The following DMD variants were observed in gnomAD, a reference collection of about 807,000 sequenced individuals.
The protein encoded by DMD is dystrophin, also known as mutant dystrophin.
DMD carries 63 observed loss-of-function variants against 330.1 expected under a neutral mutation model. The ratio of observed to expected loss-of-function variants is 0.19; its 90% CI spans 0.16 to 0.24. The LOEUF is 0.24. Among genes scored for constraint, DMD ranks in the 10% least tolerant of loss-of-function variants. The pLI, the probability that DMD is intolerant of heterozygous loss-of-function variation, is 1.00. For missense variants in DMD, 3,344 were observed against 2,684.1 expected, an observed-to-expected ratio of 1.25 and a Z score of -5.43; for synonymous variants, 1,223 against 959.8, an observed-to-expected ratio of 1.27 and a Z score of -5.07.
chrX:31,616,191 T>C (rs2078189243), intron 55 of DMD, among the ~76,000 whole-genome samples: 1 of 111,599 alleles, frequency 9.0e-6, no homozygotes, highest in Non-Finnish European at 1.9e-5. Flanking sequence ...GTACTAAACG[T>C]CATTTAAAGT....
intron 44 of DMD, among the ~76,000 whole-genome samples, chrX:32,176,801 A>G (rs1347387391): frequency 9.0e-6 from 1 of 111,078 alleles, no homozygotes; most frequent in Non-Finnish European, 1.9e-5. Flanking sequence ...ATCCACATTC[A>G]TTTCTCTGAC....
At chrX:32,462,269 T>C (rs2098386132) in intron 25 of DMD, among the ~76,000 whole-genome samples, 1 of 111,386 alleles carries the variant, frequency 9.0e-6, no homozygotes, top group Non-Finnish European at 1.9e-5. Flanking sequence ...GATTAACAAC[T>C]AATAAAATAG....
rs4829230 is a variant in DMD at position 31,700,511 on chromosome X, C to T, written c.7661-20925G>A. ...ATGAGTTAACCTTCTAAAGAAAGCT[C>T]ATTCTCCTGTTTTGGTAATAAAACA... is the stretch of plus-strand genomic sequence containing the variant. On this transcript the variant is annotated intron_variant, in intron 52 of 78. Transcript: ENST00000357033. 3.7e-3 allele frequency among the ~76,000 whole-genome samples: 418 copies of T among 111,847 alleles called. 10 individuals are homozygous for T. Among genetic ancestry groups the T allele is most frequent in the Admixed American group, 0.036 (382 of 10,565 alleles).
At chrX:33,134,680 G>T (rs2095516597) in intron 1 of DMD, among the ~76,000 whole-genome samples, 1 of 111,995 alleles carries the variant, frequency 8.9e-6, no homozygotes, top group African/African-American at 3.2e-5. Flanking sequence ...CATACACATA[G>T]ATCAAAAACA....
intron 41 of DMD, among the ~76,000 whole-genome samples, chrX:32,315,333 C>G (rs1425494936): frequency 9.1e-6 from 1 of 109,603 alleles, no homozygotes; most frequent in Non-Finnish European, 1.9e-5. Flanking sequence ...GGGAGTTGAA[C>G]AATGAAAACA....
intron 13 of DMD, among the ~76,000 whole-genome samples, chrX:32,574,826 A>G (rs2052842290): frequency 9.0e-6 from 1 of 111,452 alleles, no homozygotes; most frequent in Admixed American, 9.6e-5. Flanking sequence ...TATGTGTATT[A>G]ACCCACCTAG....
At chrX:32,009,996 T>C (rs1339684272) in intron 44 of DMD, among the ~76,000 whole-genome samples, 1 of 111,923 alleles carries the variant, frequency 8.9e-6, no homozygotes, top group East Asian at 2.8e-4. Context: ...ATTTTAACTA[T>C]ACTGCTTAAT....
At chrX:32,587,776 G>C (rs923949034) in intron 13 of DMD, among the ~76,000 whole-genome samples, 2 of 111,665 alleles carry the variant, frequency 1.8e-5, no homozygotes, top group African/African-American at 6.5e-5. Flanking sequence ...TTATCGCATT[G>C]TAAGAATGCT....
chrX:33,026,777 C>T (rs760334319), intron 1 of DMD, among the ~76,000 whole-genome samples: 2 of 111,924 alleles, frequency 1.8e-5, no homozygotes, highest in South Asian at 7.4e-4. Context: ...ATTTCCCATT[C>T]GCTTTACAGT....
intron 44 of DMD, among the ~76,000 whole-genome samples, chrX:32,065,022 C>G (rs1050371084): frequency 9.0e-6 from 1 of 111,413 alleles, no homozygotes. Flanking sequence ...ACCTACGAAG[C>G]AACCAATGAT....
At chrX:33,132,864 ATTG>A (rs748729986) in intron 1 of DMD, among the ~76,000 whole-genome samples, 1 of 111,682 alleles carries the variant, frequency 9.0e-6, no homozygotes, top group East Asian at 2.8e-4. Flanking sequence ...TCCTGAGGCT[ATTG>A]TTAGTTTCCA....
At chrX:31,340,790 G>A (rs1474417107) in intron 61 of DMD, among the ~76,000 whole-genome samples, 1 of 111,610 alleles carries the variant, frequency 9.0e-6, no homozygotes, top group Non-Finnish European at 1.9e-5. Flanking sequence ...TCTTCTTTTG[G>A]GTATAAGACA....
At chrX:31,384,679 C>T (rs1402662384) in intron 60 of DMD, among the ~76,000 whole-genome samples, 4 of 111,529 alleles carry the variant, frequency 3.6e-5, no homozygotes, top group South Asian at 3.8e-4. Flanking sequence ...AAACCATGGC[C>T]GGTTGCCCTT....
intron 44 of DMD, among the ~76,000 whole-genome samples, chrX:32,069,230 A>T (rs2096279974): frequency 8.9e-6 from 1 of 111,768 alleles, no homozygotes; most frequent in African/African-American, 3.2e-5. Context: ...TGATCATTAC[A>T]CATTATACGC....
chrX:32,613,484 G>A (rs999694166), intron 12 of DMD, among the ~76,000 whole-genome samples: 2 of 110,791 alleles, frequency 1.8e-5, no homozygotes, highest in African/African-American at 6.5e-5. Context: ...AACTGGAAAT[G>A]TACAAGTAAA....
intron 1 of DMD, among the ~76,000 whole-genome samples, chrX:33,077,942 T>A (rs2094870680): frequency 8.9e-6 from 1 of 112,636 alleles, no homozygotes. Context: ...TTAGTCTTAC[T>A]GTACTTGGCC....
rs755768877 is a variant in DMD at position 31,867,798 on chromosome X, C to T, written c.7098+7390G>A. On this transcript the variant is annotated intron_variant, in intron 48 of 78. Coordinates refer to ENST00000357033, the MANE Select transcript of DMD (RefSeq NM_004006.3). The stretch of plus-strand genomic sequence containing the variant: ...TGACACATCCTGGTGCTACTTTATC[C>T]GATAATAATATTATGTCATCAGTCC... Among the ~76,000 whole-genome samples, 4 of 110,530 alleles carry T rather than the reference C, an allele frequency of 3.6e-5. No homozygotes were observed. In the East Asian group the frequency reaches 8.5e-4, roughly 23 times the overall value.
At position 31,204,182 on chromosome X, in the gene DMD, G is replaced by A. The variant is rs72466549; in HGVS notation, c.9650-64C>T. On this transcript the variant is annotated intron_variant, in intron 66 of 78. Coordinates refer to ENST00000357033, the MANE Select transcript of DMD (RefSeq NM_004006.3). ...GCACCCATGGATGCCAGCAGAACCT[G>A]ACATCCAACTCAATTCCAGTAGCAA... The A allele has an allele frequency of 2.1e-3, 2,122 of 1,008,426 alleles. 28 individuals carry two copies. The African/African-American group carries it at 0.035, about 17-fold the overall frequency. 83.1% of individuals were successfully genotyped at this position (1,008,426 alleles called of 1,213,427 possible). A position where few individuals can be genotyped will look rare whatever the true frequency, so the allele number is the denominator to read the frequency against.
intron 61 of DMD, among the ~76,000 whole-genome samples, 167 bp from the exon 62 acceptor site, chrX:31,323,825 T>C (rs1318564374): frequency 9.0e-6 from 1 of 110,779 alleles, no homozygotes; most frequent in East Asian, 2.8e-4. Flanking sequence ...ATTTCTGTCC[T>C]AATCTAAGCG....
Sources: allele counts gnomAD v4.1 joint callset (sites outside exome capture counted in the v4.1 genomes callset), GRCh38; gene constraint gnomAD v4.1.1; transcripts MANE v1.5; gene names NCBI Gene and HGNC (gene_info 2026-07-23, HGNC 2026-07-21).